MTO1: variants seen among roughly 807,000 people sequenced by gnomAD.
The protein encoded by MTO1 is 5-taurinomethyluridine-[tRNA] synthase subunit MTO1, mitochondrial.
A neutral mutation model predicts 71.6 loss-of-function variants in MTO1; 46 were observed. The ratio of observed to expected loss-of-function variants is 0.64; its 90% CI spans 0.51 to 0.82. The LOEUF (loss-of-function observed/expected upper bound fraction) is 0.82. Ranked by LOEUF, MTO1 falls within the 40% of genes least tolerant of loss-of-function variation. The pLI is 0.00. For synonymous variants in MTO1, 297 were observed against 312.1 expected, an observed-to-expected ratio of 0.95 and a Z score of 0.51; for missense variants, 773 against 867.5, an observed-to-expected ratio of 0.89 and a Z score of 1.37.
intron 10 of MTO1, among the ~76,000 whole-genome samples, chr6:73,494,924 C>T (rs975883928): frequency 4.6e-5 from 7 of 151,826 alleles, no homozygotes; most frequent in African/African-American, 7.3e-5. Context: ...GGACTATAGG[C>T]GCGCACCACC....
intron 3 of MTO1, among the ~76,000 whole-genome samples, chr6:73,470,948 G>C (rs1054065277): frequency 3.3e-5 from 5 of 151,838 alleles, no homozygotes; most frequent in Non-Finnish European, 5.9e-5. Context: ...GCAAGAGTCT[G>C]TCTCAATAGA....
rs1772163417 is a variant in MTO1, at chr6:73,501,755, T to G, written c.*1020T>G. On this transcript the variant is annotated 3_prime_UTR_variant, in exon 12 of 12. Coordinates refer to ENST00000498286, the MANE Select transcript of MTO1 (RefSeq NM_012123.4). ...GGAATTCCAACCCAGATCTCTGGTG[T>G]CAGCCTAGGGAGAAGCTCCCGTGTC... is the stretch of plus-strand genomic sequence containing the variant. The G allele has an allele frequency of 6.6e-6, 1 of 152,182 alleles. No individual in the cohort carries two copies. The highest frequency in any genetic ancestry group is 1.5e-5 in the Non-Finnish European group (1 of 68,046). 9.4% of individuals were successfully genotyped at this position (152,182 alleles called of 1,614,324 possible).
intron 1 of MTO1, among the ~76,000 whole-genome samples, chr6:73,462,744 T>C (rs564415813): frequency 6.6e-6 from 1 of 152,144 alleles, no homozygotes; most frequent in East Asian, 1.9e-4. Context: ...ATGATAATAT[T>C]AATAAAATAA....
Position 73,506,315 on chromosome 6 carries a change from G to A in MTO1, c.*5580G>A, listed in dbSNP as rs924503468. 6.6e-6 allele frequency: 1 copy of A among 152,132 alleles called. No individual in the cohort carries two copies. Among genetic ancestry groups the A allele is most frequent in the African/African-American group, 2.4e-5 (1 of 41,400 alleles). 9.4% of individuals were successfully genotyped at this position (152,132 alleles called of 1,614,324 possible). On this transcript the variant is annotated 3_prime_UTR_variant, in exon 12 of 12. Transcript: ENST00000498286. The stretch of plus-strand genomic sequence containing the variant: ...TTATGTTCTTTGTTTGATATGGTTT[G>A]GCTGTGTCCCCACCCAAATCTCAAC...
intron 6 of MTO1, 70 bp from the exon 7 acceptor site, chr6:73,480,605 T>G (rs1771460956): frequency 6.4e-7 from 1 of 1,562,174 alleles, no homozygotes; most frequent in Non-Finnish European, 8.8e-7. Context: ...TTAAGGGTAA[T>G]GCTTGCATCT....
intron 10 of MTO1, among the ~76,000 whole-genome samples, chr6:73,494,486 T>C (rs1289535599): frequency 2.0e-5 from 3 of 150,858 alleles, no homozygotes; most frequent in Non-Finnish European, 4.4e-5. Flanking sequence ...TTTCTTTTTT[T>C]TTTTTTTTGA....
chr6:73,504,076 G>T lies in MTO1; in HGVS notation c.*3341G>T, dbSNP rs1468842384. 1 of 152,058 alleles carries T rather than the reference G, an allele frequency of 6.6e-6. No homozygotes were observed. The highest frequency in any genetic ancestry group is 1.5e-5 in the Non-Finnish European group (1 of 68,010). The allele number at this position is 152,058 out of a possible 1,614,324, so 9.4% of individuals were successfully genotyped here. A position where few individuals can be genotyped will look rare whatever the true frequency, so the allele number is the denominator to read the frequency against. ...GGAATGCACACAGTGAAAATTAATT[G>T]TTCCTCTTACACTCCCTCTCCACAA... On this transcript the variant is annotated 3_prime_UTR_variant, in exon 12 of 12. Transcript: ENST00000498286.
Position 73,490,940 on chromosome 6 carries a change from A to G in MTO1, c.1638-1294A>G, listed in dbSNP as rs368701643. Among the ~76,000 whole-genome samples the G allele has an allele frequency of 1.6e-3, 237 of 152,328 alleles. 8 individuals carry two copies. In the South Asian group the frequency reaches 0.03, roughly 19 times the overall value. ...GGATTAAAGTGGTCATAGGAGCTCC[A>G]GCACTTCTGAAGGCTAAACACAGCT... On this transcript the variant is annotated intron_variant, in intron 9 of 11. Coordinates refer to ENST00000498286, the MANE Select transcript of MTO1 (RefSeq NM_012123.4).
chr6:73,509,186 A>T lies in MTO1; in HGVS notation c.*8451A>T, dbSNP rs890603640. On this transcript the variant is annotated 3_prime_UTR_variant, in exon 12 of 12. Coordinates refer to ENST00000498286, the MANE Select transcript of MTO1 (RefSeq NM_012123.4). Reference sequence around the variant, plus strand: ...GGTATTTAACCTCTGAAAACCACACAATCTTCTATACGCTTTTTTCACTGG... The same window carrying T: ...GGTATTTAACCTCTGAAAACCACACTATCTTCTATACGCTTTTTTCACTGG... 1.3e-5 allele frequency: 2 copies of T among 152,182 alleles called. No individual in the cohort carries two copies. Among genetic ancestry groups the T allele is most frequent in the Admixed American group, 6.5e-5 (1 of 15,268 alleles). The allele number at this position is 152,182 out of a possible 1,614,324, so 9.4% of individuals were successfully genotyped here.
chr6:73,502,475 T>G lies in MTO1; in HGVS notation c.*1740T>G, dbSNP rs1335319918. ...GAAAAAGAAAAGAAGGTATTTTGTG[T>G]TTTTGTGCTACCCGTTCAGCAAAAT... On this transcript the variant is annotated 3_prime_UTR_variant, in exon 12 of 12. Coordinates refer to ENST00000498286, the MANE Select transcript of MTO1 (RefSeq NM_012123.4). 1 of 152,098 alleles carries G rather than the reference T, an allele frequency of 6.6e-6. No homozygotes were observed. The highest frequency in any genetic ancestry group is 1.5e-5 in the Non-Finnish European group (1 of 68,010). The allele number at this position is 152,098 out of a possible 1,614,324, so 9.4% of individuals were successfully genotyped here.
chr6:73,466,551 T>C lies in MTO1; in HGVS notation c.480T>C (p.Leu160=). The C allele has an allele frequency of 6.2e-7, 1 of 1,614,198 alleles. No homozygotes were observed. The highest frequency in any genetic ancestry group is 8.5e-7 in the Non-Finnish European group (1 of 1,180,032). The part of the protein sequence containing the change: ...VQEGAVEDLI[L]TEPEPEHTGK... ...AGGGAGCTGTAGAAGATCTTATTCT[T>C]ACAGAACCAGAGCCTGAACACACTG... Residue 160 remains leucine (L), a synonymous_variant, in exon 3 of 12, where the codon CTT becomes CTC. Transcript: ENST00000498286.
rs1040644859 is a variant in MTO1, at chr6:73,507,794, G to A, written c.*7059G>A. 2.0e-5 allele frequency: 3 copies of A among 152,158 alleles called. No homozygotes were observed. Among genetic ancestry groups the A allele is most frequent in the South Asian group, 2.1e-4 (1 of 4,828 alleles). The allele number at this position is 152,158 out of a possible 1,614,324, so 9.4% of individuals were successfully genotyped here. ...AAATAGAGACCATCCTGGCTAACAT[G>A]GTGAAACCCCGTGTCTACTAAAAAT... On this transcript the variant is annotated 3_prime_UTR_variant, in exon 12 of 12. Coordinates refer to ENST00000498286, the MANE Select transcript of MTO1 (RefSeq NM_012123.4).
intron 4 of MTO1, 75 bp from the exon 5 acceptor site, chr6:73,479,657 A>T (rs1043897059): frequency 5.1e-6 from 6 of 1,174,136 alleles, no homozygotes; most frequent in Non-Finnish European, 7.5e-6. Context: ...AGTACGTATC[A>T]TGTGGAATTT....
chr6:73,482,464 G>T lies in MTO1; in HGVS notation c.1481G>T (p.Gly494Val). ...CCTTCCCTAGGGTATAAAGACGCTG[G>T]CTGTGTGTCCCAACAACGATATGAA... ...RLTLRGYKDA[G>V]CVSQQRYERA... is the part of the protein sequence containing the mutation. Residue 494 changes from glycine (G) to valine (V), a missense_variant, in exon 9 of 12, where the codon GGC becomes GTC. Transcript: ENST00000498286. The T allele has an allele frequency of 6.2e-7, 1 of 1,612,420 alleles. No individual in the cohort carries two copies. Among genetic ancestry groups the T allele is most frequent in the East Asian group, 2.2e-5 (1 of 44,876 alleles).
chr6:73,473,579 C>T lies in MTO1; in HGVS notation c.750C>T (p.Phe250=), dbSNP rs780356105. 1 of 1,613,896 alleles carries T rather than the reference C, an allele frequency of 6.2e-7. No homozygotes were observed. The highest frequency in any genetic ancestry group is 1.6e-4 in the Middle Eastern group (1 of 6,084). The change falls in exon 4 of 12, where the codon TTC becomes TTT. Residue 250 remains phenylalanine (F), a synonymous_variant. Transcript: ENST00000498286. ...GAATTGCCAAAGAGTCCATTAATTT[C>T]AGTATTCTAAACAAGCATATACCGG... is the stretch of plus-strand genomic sequence containing the variant. ...PPRIAKESIN[F]SILNKHIPDN...
chr6:73,500,845 A>G lies in MTO1; in HGVS notation c.*110A>G, dbSNP rs1238342551. ...GTTAAAATAGCTTTATTAGGTTACTATGGGTTTGCCATTAATTTCTGAGTG... is the reference window on the plus strand; with the variant it reads ...GTTAAAATAGCTTTATTAGGTTACTGTGGGTTTGCCATTAATTTCTGAGTG... On this transcript the variant is annotated 3_prime_UTR_variant, in exon 12 of 12. Coordinates refer to ENST00000498286, the MANE Select transcript of MTO1 (RefSeq NM_012123.4). The G allele has an allele frequency of 8.3e-6, 8 of 968,654 alleles. No individual in the cohort carries two copies. Among genetic ancestry groups the G allele is most frequent in the African/African-American group, 6.8e-5 (4 of 58,774 alleles). The allele number at this position is 968,654 out of a possible 1,614,324, so 60.0% of individuals were successfully genotyped here.
At chr6:73,464,599 G>A (rs1770921169) in intron 1 of MTO1, among the ~76,000 whole-genome samples, 1 of 151,066 alleles carries the variant, frequency 6.6e-6, no homozygotes, top group Non-Finnish European at 1.5e-5. Context: ...GACCAACATG[G>A]AGGAACCCTG....
chr6:73,471,588 A>AT (rs565041674), intron 3 of MTO1: 787 of 304,800 alleles, frequency 2.6e-3, no homozygotes, highest in South Asian at 4.1e-3. Flanking sequence ...CTAATTTATT[A>AT]TTTTTTTTTG....
chr6:73,463,282 C>T lies in MTO1; in HGVS notation c.217+1211C>T, dbSNP rs543571672. On this transcript the variant is annotated intron_variant, in intron 1 of 11. Transcript: ENST00000498286. ...TCCTGACCTTGTGATCCGCCCGCCT[C>T]GGCCTCCCAAAATGCTGGGATTACA... Among the ~76,000 whole-genome samples, 12 of 152,094 alleles carry T rather than the reference C, an allele frequency of 7.9e-5. No homozygotes were observed. The South Asian group carries it at 2.5e-3, about 32-fold the overall frequency.
Sources: gnomAD v4.1 joint callset for allele counts (sites outside exome capture counted in the v4.1 genomes callset) on GRCh38, gnomAD v4.1.1 for gene constraint, MANE v1.5 for transcripts, NCBI Gene and HGNC (gene_info 2026-07-23, HGNC 2026-07-21) for gene names.